TMTC2: variants seen among roughly 807,000 people sequenced by gnomAD.
The protein encoded by TMTC2 is protein O-mannosyl-transferase TMTC2.
Under a neutral mutation model 82.4 loss-of-function variants are expected in TMTC2, and 43 were observed. The ratio of observed to expected loss-of-function variants is 0.52; its 90% CI spans 0.41 to 0.67. The LOEUF is 0.67. Among genes scored for constraint, TMTC2 ranks in the 30% least tolerant of loss-of-function variants. The pLI is 0.00. For synonymous variants in TMTC2, 408 were observed against 381.9 expected (o/e 1.07, Z -0.80); for missense variants, 919 against 1,012.4 (o/e 0.91, Z 1.25).
At chr12:82,760,045 T>A (rs1336137155) in intron 1 of TMTC2, 1 of 152,186 alleles carries the variant, frequency 6.6e-6, no homozygotes, top group Non-Finnish European at 1.5e-5. Flanking sequence ...GTGTTTTGTG[T>A]TTTTCTTAGT....
At chr12:82,802,166 G>A (rs1389353831) in intron 1 of TMTC2, among the ~76,000 whole-genome samples, 2 of 152,286 alleles carry the variant, frequency 1.3e-5, no homozygotes, top group East Asian at 3.9e-4. Context: ...CCTGCCCCGT[G>A]GGGAGGCAGC....
chr12:82,965,869 T>C, intron 6 of TMTC2, 125 bp downstream of exon 6: 1 of 990,960 alleles, frequency 1.0e-6, no homozygotes, highest in Non-Finnish European at 1.5e-6. Context: ...CACGTTAAAC[T>C]ATTGTCCTTT....
chr12:82,877,578 C>CT (rs1872644124), intron 2 of TMTC2, among the ~76,000 whole-genome samples: 1 of 152,116 alleles, frequency 6.6e-6, no homozygotes, highest in Non-Finnish European at 1.5e-5. Flanking sequence ...CCTGTCTCCT[C>CT]TTTCTCCCTC....
At chr12:82,993,758 C>T (rs1426569258) in intron 8 of TMTC2, among the ~76,000 whole-genome samples, 2 of 152,134 alleles carry the variant, frequency 1.3e-5, no homozygotes, top group Non-Finnish European at 2.9e-5. Flanking sequence ...TAGTCAGCGA[C>T]TCTCTGAGGC....
chr12:83,132,566 A>G lies in TMTC2; in HGVS notation c.*177A>G, dbSNP rs888256422. ...CTTTGCTGTAGGCACAGCTGTTAAC[A>G]CCAAAAAGGGGAAAGCCGGAAACCT... On this transcript the variant is annotated 3_prime_UTR_variant, in exon 12 of 12. Coordinates refer to ENST00000321196, the MANE Select transcript of TMTC2 (RefSeq NM_152588.3). 1.5e-6 allele frequency: 1 copy of G among 663,828 alleles called. No individual in the cohort carries two copies. The highest frequency in any genetic ancestry group is 2.4e-6 in the Non-Finnish European group (1 of 416,906). 41.1% of individuals were successfully genotyped at this position (663,828 alleles called of 1,614,324 possible). A position where few individuals can be genotyped will look rare whatever the true frequency, so the allele number is the denominator to read the frequency against.
At chr12:82,966,864 G>T in intron 6 of TMTC2, 55 bp from the exon 7 acceptor site, 1 of 1,279,044 alleles carries the variant, frequency 7.8e-7, no homozygotes. Context: ...TATTTTCAGT[G>T]ACGATCCCTG....
chr12:82,728,108 T>C (rs1008379338), intron 1 of TMTC2, among the ~76,000 whole-genome samples: 14 of 127,522 alleles, frequency 1.1e-4, no homozygotes, highest in African/African-American at 3.3e-4. Flanking sequence ...CACATTAGAA[T>C]TGCGCACATT....
At chr12:83,014,341 T>C (rs1048981986) in intron 8 of TMTC2, among the ~76,000 whole-genome samples, 11 of 152,052 alleles carry the variant, frequency 7.2e-5, no homozygotes, top group African/African-American at 2.7e-4. Flanking sequence ...TTTTGTTTTT[T>C]GGTTTTTGTT....
intron 8 of TMTC2, among the ~76,000 whole-genome samples, chr12:83,023,643 A>T (rs1881034602): frequency 6.6e-6 from 1 of 152,206 alleles, no homozygotes; most frequent in Non-Finnish European, 1.5e-5. Context: ...TTTGCTCAGG[A>T]TGACAGTTCT....
intron 1 of TMTC2, among the ~76,000 whole-genome samples, chr12:82,703,998 T>A (rs1873224708): frequency 6.6e-6 from 1 of 152,334 alleles, no homozygotes; most frequent in African/African-American, 2.4e-5. Context: ...TTGTATTTTT[T>A]AAAATGCTAT....
intron 11 of TMTC2, among the ~76,000 whole-genome samples, chr12:83,105,940 G>T (rs1423500306): frequency 6.6e-6 from 1 of 152,066 alleles, no homozygotes; most frequent in African/African-American, 2.4e-5. Context: ...AAAGCCTACA[G>T]ATACTGAAAT....
chr12:83,013,985 G>C (rs1880566620), intron 8 of TMTC2, among the ~76,000 whole-genome samples: 1 of 152,174 alleles, frequency 6.6e-6, no homozygotes, highest in Admixed American at 6.5e-5. Flanking sequence ...TGTAACTTCA[G>C]TGTTGAGCAT....
chr12:82,761,884 T>TTCTTTCTTTCTTTCTC (rs141652120), intron 1 of TMTC2, among the ~76,000 whole-genome samples: 2 of 149,914 alleles, frequency 1.3e-5, no homozygotes, highest in Non-Finnish European at 2.9e-5. Flanking sequence ...CTTTCTTTCT[T>TTCTTTCTTTCTTTCTC]TCTCTCTCTT....
intron 1 of TMTC2, among the ~76,000 whole-genome samples, chr12:82,753,501 G>A (rs1210486350): frequency 6.6e-6 from 1 of 152,060 alleles, no homozygotes; most frequent in South Asian, 2.1e-4. Flanking sequence ...TTTTAATATT[G>A]ACCAATGTTT....
At chr12:82,974,028 C>T (rs1248501748) in intron 7 of TMTC2, among the ~76,000 whole-genome samples, 2 of 152,138 alleles carry the variant, frequency 1.3e-5, no homozygotes, top group African/African-American at 4.8e-5. Context: ...ATTATATCTT[C>T]CTTATTCTCT....
At chr12:82,806,220 C>CT (rs113210022) in intron 1 of TMTC2, among the ~76,000 whole-genome samples, 20,699 of 152,002 alleles carry the variant, frequency 0.14, 1,699 homozygotes, top group African/African-American at 0.21. Context: ...ATTCTGTTTT[C>CT]TTTACTGTTT....
intron 9 of TMTC2, among the ~76,000 whole-genome samples, chr12:83,045,752 C>CACACACACACACACACA (rs3223367): frequency 1.4e-3 from 207 of 149,114 alleles, no homozygotes; most frequent in South Asian, 2.1e-3. Context: ...CACACACACA[C>CACACACACACACACACA]CAGGAGTGTC....
intron 11 of TMTC2, among the ~76,000 whole-genome samples, chr12:83,097,696 C>T (rs181605028): frequency 2.6e-5 from 4 of 152,056 alleles, no homozygotes; most frequent in South Asian, 2.1e-4. Context: ...GAAAATAAAA[C>T]GTAAAGAGGG....
chr12:82,967,493 A>C (rs1878265551), intron 7 of TMTC2, among the ~76,000 whole-genome samples: 1 of 152,126 alleles, frequency 6.6e-6, no homozygotes, highest in Admixed American at 6.5e-5. Context: ...AATTCTTATT[A>C]ATCAGAAAGT....
Sources: allele counts gnomAD v4.1 joint callset (sites outside exome capture counted in the v4.1 genomes callset), GRCh38; gene constraint gnomAD v4.1.1; transcripts MANE v1.5; gene names NCBI Gene and HGNC (gene_info 2026-07-23, HGNC 2026-07-21).